The following ARHGAP32 variants were observed in gnomAD, a reference collection of about 807,000 sequenced individuals.
The protein encoded by ARHGAP32 is rho GTPase-activating protein 32.
ARHGAP32 carries 51 observed loss-of-function variants against 186.5 expected under a neutral mutation model. The observed-to-expected ratio is 0.27, with a 90% CI of 0.22 to 0.35. The LOEUF (loss-of-function observed/expected upper bound fraction) is 0.35, where lower values mean the gene tolerates loss of function less well. Among genes scored for constraint, ARHGAP32 ranks in the 10% least tolerant of loss-of-function variants. ARHGAP32 has a pLI of 1.00. For synonymous variants in ARHGAP32, 950 were observed against 964.3 expected, an observed-to-expected ratio of 0.99 and a Z score of 0.27; for missense variants, 2,186 against 2,623.5, an observed-to-expected ratio of 0.83 and a Z score of 3.64.
intron 1 of ARHGAP32, among the ~76,000 whole-genome samples, chr11:129,182,806 G>A (rs147140951): frequency 5.9e-5 from 9 of 151,882 alleles, no homozygotes; most frequent in African/African-American, 2.2e-4. Context: ...ACCATGCCAG[G>A]CTAAGTTTTT....
rs539507605 is a variant in ARHGAP32 at position 129,142,853 on chromosome 11, C to CT, written c.226-17960dup. On this transcript the variant is annotated intron_variant, in intron 2 of 22. Transcript: ENST00000682385. ...AAAAGTGACTTTTTGCCACTTTTCA[C>CT]TTTTTTTAACAGATTCAAATTTTAT... is the stretch of plus-strand genomic sequence containing the variant. Among the ~76,000 whole-genome samples, 641 of 151,614 alleles carry CT rather than the reference C, an allele frequency of 4.2e-3. 2 individuals are homozygous for CT. Among genetic ancestry groups the CT allele is most frequent in the African/African-American group, 0.015 (612 of 41,390 alleles).
intron 1 of ARHGAP32, among the ~76,000 whole-genome samples, chr11:129,246,896 A>G (rs1459188627): frequency 6.6e-6 from 1 of 152,202 alleles, no homozygotes; most frequent in Non-Finnish European, 1.5e-5. Context: ...AGGTCTTTTA[A>G]GAGAAGATGT....
chr11:129,231,695 T>C (rs1944860946), intron 1 of ARHGAP32, among the ~76,000 whole-genome samples: 1 of 152,072 alleles, frequency 6.6e-6, no homozygotes, highest in Non-Finnish European at 1.5e-5. Flanking sequence ...TGAAGACAAC[T>C]TTGAAGGGCC....
At chr11:129,191,642 C>T (rs866557233) in intron 1 of ARHGAP32, among the ~76,000 whole-genome samples, 23 of 138,028 alleles carry the variant, frequency 1.7e-4, no homozygotes, top group African/African-American at 5.6e-4. Flanking sequence ...ATGCATAAGG[C>T]AAACAAAGCA....
At chr11:129,271,335 T>C (rs1361766956) in intron 1 of ARHGAP32, among the ~76,000 whole-genome samples, 2 of 151,734 alleles carry the variant, frequency 1.3e-5, no homozygotes, top group Non-Finnish European at 2.9e-5. Context: ...AAGGTGGAGG[T>C]GACCAGACTT....
At chr11:129,263,695 AGAAAGAG>A (rs572789945) in intron 1 of ARHGAP32, among the ~76,000 whole-genome samples, 392 of 152,026 alleles carry the variant, frequency 2.6e-3, no homozygotes, top group African/African-American at 8.9e-3. Flanking sequence ...AAAGAGAAAA[AGAAAGAG>A]GAAAGAGGAA....
At chr11:129,084,863 C>T (rs1420630705) in intron 6 of ARHGAP32, among the ~76,000 whole-genome samples, 1 of 152,034 alleles carries the variant, frequency 6.6e-6, no homozygotes, top group Non-Finnish European at 1.5e-5. Flanking sequence ...ACTTTGTTTG[C>T]AGAAGACAGG....
intron 1 of ARHGAP32, among the ~76,000 whole-genome samples, chr11:129,234,301 C>T (rs547198149): frequency 6.6e-6 from 1 of 152,018 alleles, no homozygotes; most frequent in Non-Finnish European, 1.5e-5. Flanking sequence ...CTGACAACAC[C>T]AATAATGTAT....
intron 1 of ARHGAP32, among the ~76,000 whole-genome samples, chr11:129,201,651 C>G (rs1471533904): frequency 6.6e-6 from 1 of 152,006 alleles, no homozygotes; most frequent in Admixed American, 6.6e-5. Context: ...CACTAAAATA[C>G]AACATTTACA....
At chr11:129,107,868 CAAAAAAAAAA>C (rs71057924) in intron 5 of ARHGAP32, among the ~76,000 whole-genome samples, 30 of 93,406 alleles carry the variant, frequency 3.2e-4, no homozygotes, top group African/African-American at 1.0e-3. Context: ...AACTATGTTT[CAAAAAAAAAA>C]AAAAAAAAAA....
At chr11:129,049,853 T>C (rs1939966077) in intron 10 of ARHGAP32, among the ~76,000 whole-genome samples, 1 of 152,224 alleles carries the variant, frequency 6.6e-6, no homozygotes, top group Middle Eastern at 3.2e-3. Flanking sequence ...TGTATGAGTT[T>C]CTATATGGAC....
chr11:129,086,550 G>GCA (rs763983255), intron 6 of ARHGAP32, among the ~76,000 whole-genome samples: 81,662 of 151,762 alleles, frequency 0.54, 23,302 homozygotes, highest in African/African-American at 0.73. Context: ...GGCCGGGCAT[G>GCA]GTGGCTCACG....
Position 128,967,679 on chromosome 11 carries a change from C to T in ARHGAP32, c.*1228G>A, listed in dbSNP as rs1036276654. 1.3e-5 allele frequency: 2 copies of T among 151,594 alleles called. No individual in the cohort carries two copies. The highest frequency in any genetic ancestry group is 4.9e-5 in the African/African-American group (2 of 41,192). 9.4% of individuals were successfully genotyped at this position (151,594 alleles called of 1,614,324 possible). A position where few individuals can be genotyped will look rare whatever the true frequency, so the allele number is the denominator to read the frequency against. ...GATGGTAATTACAAGAAGACTGTGA[C>T]CACACAAGTATAGAGTAAGCAAACG... On this transcript the variant is annotated 3_prime_UTR_variant, in exon 23 of 23. Coordinates refer to ENST00000682385, the MANE Select transcript of ARHGAP32 (RefSeq NM_001378024.1).
chr11:129,164,158 G>A (rs750067201), intron 2 of ARHGAP32, among the ~76,000 whole-genome samples, 161 bp downstream of exon 2: 9 of 151,962 alleles, frequency 5.9e-5, no homozygotes, highest in Non-Finnish European at 7.4e-5. Context: ...CAGACTCTAC[G>A]ACAGTGCCAA....
chr11:129,099,512 T>G (rs1941829732), intron 5 of ARHGAP32, among the ~76,000 whole-genome samples: 1 of 152,158 alleles, frequency 6.6e-6, no homozygotes. Context: ...AATAACCCTG[T>G]TAAGTGATGC....
At chr11:129,103,832 T>C (rs544695000) in intron 5 of ARHGAP32, among the ~76,000 whole-genome samples, 6 of 151,898 alleles carry the variant, frequency 4.0e-5, no homozygotes, top group Admixed American at 3.9e-4. Context: ...TATTCACAAA[T>C]AAAAATAATC....
chr11:129,034,203 C>T (rs1939229659), intron 11 of ARHGAP32, among the ~76,000 whole-genome samples: 1 of 152,178 alleles, frequency 6.6e-6, no homozygotes, highest in Admixed American at 6.5e-5. Context: ...ACCTCCTCTA[C>T]TCCATCAGCA....
chr11:129,152,393 A>G (rs554355079), intron 2 of ARHGAP32, among the ~76,000 whole-genome samples: 10 of 152,266 alleles, frequency 6.6e-5, no homozygotes, highest in African/African-American at 1.9e-4. Flanking sequence ...TATGAAGCCA[A>G]CATCACCCAA....
chr11:129,006,240 T>C (rs1937763911), intron 11 of ARHGAP32, among the ~76,000 whole-genome samples: 1 of 152,182 alleles, frequency 6.6e-6, no homozygotes, highest in Non-Finnish European at 1.5e-5. Flanking sequence ...ATTTACTTCA[T>C]TTGGTGGGGT....
Sources: gnomAD v4.1 joint callset for allele counts (sites outside exome capture counted in the v4.1 genomes callset) on GRCh38, gnomAD v4.1.1 for gene constraint, MANE v1.5 for transcripts, NCBI Gene and HGNC (gene_info 2026-07-23, HGNC 2026-07-21) for gene names.